The following GNB1 variants were observed in gnomAD, a reference collection of about 807,000 sequenced individuals.
GNB1 encodes the protein guanine nucleotide-binding protein G(I)/G(S)/G(T) subunit beta-1.
GNB1 carries 2 observed loss-of-function variants against 42.9 expected under a neutral mutation model. The ratio of observed to expected loss-of-function variants is 0.05; its 90% CI spans 0.02 to 0.15. The LOEUF is 0.15. GNB1 is among the 10% of genes least tolerant of loss of function. The pLI is 1.00. For synonymous variants in GNB1, 183 were observed against 174.7 expected (o/e 1.05, Z -0.38); for missense variants, 193 against 462.2 (o/e 0.42, Z 5.34).
intron 1 of GNB1, among the ~76,000 whole-genome samples, chr1:1,847,549 G>A (rs1309684847): frequency 6.6e-6 from 1 of 152,148 alleles, no homozygotes; most frequent in African/African-American, 2.4e-5. Flanking sequence ...AGTACTCTAT[G>A]GAAAGAATTG....
intron 1 of GNB1, among the ~76,000 whole-genome samples, chr1:1,860,662 G>A (rs1201323311): frequency 2.0e-5 from 3 of 150,394 alleles, no homozygotes; most frequent in Non-Finnish European, 4.4e-5. Flanking sequence ...AAAAGAGGGA[G>A]GAAGAGTCCC....
intron 1 of GNB1, among the ~76,000 whole-genome samples, chr1:1,843,936 C>T (rs550401238): frequency 8.5e-4 from 130 of 152,188 alleles, no homozygotes; most frequent in African/African-American, 3.0e-3. Flanking sequence ...TGGCTCATTC[C>T]TGTAATCCGA....
At chr1:1,883,784 A>T (rs1649987905) in intron 1 of GNB1, among the ~76,000 whole-genome samples, 1 of 152,218 alleles carries the variant, frequency 6.6e-6, no homozygotes, top group African/African-American at 2.4e-5. Flanking sequence ...AACACTGCAA[A>T]TCAGCCAGTG....
chr1:1,822,624 A>G (rs774019843), intron 3 of GNB1, among the ~76,000 whole-genome samples: 3 of 151,826 alleles, frequency 2.0e-5, no homozygotes, highest in Non-Finnish European at 4.4e-5. Context: ...CTCTTTTTAC[A>G]TTTTTTATGT....
At chr1:1,839,512 G>C (rs1461057997) in intron 1 of GNB1, 1 of 152,064 alleles carries the variant, frequency 6.6e-6, no homozygotes, top group Non-Finnish European at 1.5e-5. Context: ...TGGGCACAGA[G>C]GTTAGAATCC....
intron 1 of GNB1, among the ~76,000 whole-genome samples, chr1:1,852,190 A>G (rs1415972568): frequency 2.0e-5 from 3 of 150,908 alleles, no homozygotes; most frequent in African/African-American, 7.5e-5. Flanking sequence ...ACTTGAGGCC[A>G]GGAGTTTCAG....
chr1:1,882,116 T>G (rs373011329), intron 1 of GNB1, among the ~76,000 whole-genome samples: 28 of 152,248 alleles, frequency 1.8e-4, no homozygotes, highest in African/African-American at 6.5e-4. Flanking sequence ...CTGGATCACA[T>G]GCATTCTACT....
chr1:1,886,061 T>A (rs1421089568), intron 1 of GNB1, among the ~76,000 whole-genome samples: 1 of 151,536 alleles, frequency 6.6e-6, no homozygotes, highest in South Asian at 2.1e-4. Flanking sequence ...CCTGTAATCC[T>A]AGAACTTTGG....
chr1:1,872,066 A>G (rs1485378240), intron 1 of GNB1, among the ~76,000 whole-genome samples: 1 of 150,564 alleles, frequency 6.6e-6, no homozygotes, highest in Non-Finnish European at 1.5e-5. Flanking sequence ...CAGTTGTGTG[A>G]TCATAGCTCA....
intron 3 of GNB1, among the ~76,000 whole-genome samples, chr1:1,819,093 A>T (rs1029843418): frequency 7.2e-5 from 11 of 152,166 alleles, no homozygotes; most frequent in Non-Finnish European, 5.9e-5. Context: ...AGTTACTAGA[A>T]AATAGACCTG....
At position 1,863,435 on chromosome 1, in the gene GNB1, T is replaced by C. The variant is rs911207817; in HGVS notation, c.-95-24197A>G. ...AAGCACTGCCGTCCCTTGCCCACTG[T>C]GGCTGCTGCCACTGGAGGGGTTTGG... On this transcript the variant is annotated intron_variant, in intron 1 of 11. Coordinates refer to ENST00000378609, the MANE Select transcript of GNB1 (RefSeq NM_002074.5). Among the ~76,000 whole-genome samples, 7 of 152,348 alleles carry C rather than the reference T, an allele frequency of 4.6e-5. No individual in the cohort carries two copies. The East Asian group carries it at 1.3e-3, about 29-fold the overall frequency.
intron 1 of GNB1, among the ~76,000 whole-genome samples, chr1:1,861,255 G>A (rs1648611265): frequency 6.6e-6 from 1 of 151,982 alleles, no homozygotes; most frequent in Non-Finnish European, 1.5e-5. Context: ...CCAGGACTTG[G>A]AGCCCAGTCT....
intron 8 of GNB1, among the ~76,000 whole-genome samples, chr1:1,791,389 G>A (rs3737627): frequency 0.19 from 28,295 of 151,988 alleles, 3,375 homozygotes; most frequent in Non-Finnish European, 0.26. Context: ...TGGTCAGACT[G>A]GTCTCGAACT....
intron 1 of GNB1, among the ~76,000 whole-genome samples, chr1:1,861,438 AC>A (rs1390512452): frequency 6.6e-6 from 1 of 152,048 alleles, no homozygotes; most frequent in Non-Finnish European, 1.5e-5. Context: ...ACAGAGCAAG[AC>A]CCTGTGTACT....
chr1:1,840,088 C>T (rs911986777), intron 1 of GNB1, among the ~76,000 whole-genome samples: 4 of 151,648 alleles, frequency 2.6e-5, no homozygotes, highest in Non-Finnish European at 4.4e-5. Context: ...ATTAGCCAGG[C>T]GTGATGGCAG....
chr1:1,844,776 G>A (rs890955672), intron 1 of GNB1, among the ~76,000 whole-genome samples: 1 of 152,154 alleles, frequency 6.6e-6, no homozygotes, highest in Non-Finnish European at 1.5e-5. Flanking sequence ...GCAGTCTTAT[G>A]TTTACTACAA....
chr1:1,830,831 C>T (rs181154366), intron 2 of GNB1, among the ~76,000 whole-genome samples: 1 of 151,890 alleles, frequency 6.6e-6, no homozygotes, highest in Non-Finnish European at 1.5e-5. Flanking sequence ...TAATCTATTG[C>T]ATGAGCCACC....
At chr1:1,819,632 G>A (rs773543603) in intron 3 of GNB1, among the ~76,000 whole-genome samples, 1 of 151,888 alleles carries the variant, frequency 6.6e-6, no homozygotes, top group Non-Finnish European at 1.5e-5. Context: ...TCGACCTCCT[G>A]GGCTCAGGTG....
intron 2 of GNB1, among the ~76,000 whole-genome samples, chr1:1,833,178 G>A (rs1023580839): frequency 2.0e-5 from 3 of 152,092 alleles, no homozygotes; most frequent in African/African-American, 4.8e-5. Flanking sequence ...AGTCCAAACC[G>A]GCCCCAGTGT....
Sources: allele counts gnomAD v4.1 joint callset (sites outside exome capture counted in the v4.1 genomes callset), GRCh38; gene constraint gnomAD v4.1.1; transcripts MANE v1.5; gene names NCBI Gene and HGNC (gene_info 2026-07-23, HGNC 2026-07-21).